Variants in DLGAP2 observed in about 807,000 individuals in gnomAD.
The protein encoded by DLGAP2 is DLG associated protein 2.
A neutral mutation model predicts 100.3 loss-of-function variants in DLGAP2; 26 were observed. The observed-to-expected ratio is 0.26, with a 90% confidence interval of 0.19 to 0.36. The LOEUF (loss-of-function observed/expected upper bound fraction) is 0.36, where lower values mean the gene tolerates loss of function less well. Ranked by LOEUF, DLGAP2 falls within the 10% of genes least tolerant of loss-of-function variation. DLGAP2 has a pLI of 1.00. For missense variants in DLGAP2, 1,858 were observed against 1,453.2 expected, an observed-to-expected ratio of 1.28 and a Z score of -4.53; for synonymous variants, 886 against 630.1, an observed-to-expected ratio of 1.41 and a Z score of -6.08.
chr8:1,322,302 G>A (rs1023769746), intron 3 of DLGAP2, among the ~76,000 whole-genome samples: 3 of 152,094 alleles, frequency 2.0e-5, no homozygotes, highest in South Asian at 2.1e-4. Context: ...AAAAAACTTC[G>A]AAATCTCAAA....
chr8:1,260,080 G>A (rs1215834688), intron 3 of DLGAP2, among the ~76,000 whole-genome samples: 1 of 152,144 alleles, frequency 6.6e-6, no homozygotes, highest in Non-Finnish European at 1.5e-5. Flanking sequence ...GTTCCCGGGT[G>A]GAGCCTGGGA....
chr8:1,205,158 C>G (rs959861839), intron 2 of DLGAP2, among the ~76,000 whole-genome samples: 1 of 152,302 alleles, frequency 6.6e-6, no homozygotes, highest in African/African-American at 2.4e-5. Context: ...AAAGGTCCAT[C>G]GCGTTTTTTC....
chr8:1,116,595 A>T (rs902094677), intron 2 of DLGAP2, among the ~76,000 whole-genome samples: 6 of 152,178 alleles, frequency 3.9e-5, no homozygotes, highest in African/African-American at 1.4e-4. Context: ...CAGGCATTTG[A>T]GACCAGCCTG....
At chr8:1,262,885 TCA>T (rs1189654451) in intron 3 of DLGAP2, among the ~76,000 whole-genome samples, 1 of 146,854 alleles carries the variant, frequency 6.8e-6, no homozygotes, top group Non-Finnish European at 1.5e-5. Flanking sequence ...GCCACAGATG[TCA>T]GTTCATGGAT....
intron 1 of DLGAP2, among the ~76,000 whole-genome samples, chr8:823,056 G>C (rs1490508071): frequency 2.0e-5 from 3 of 150,468 alleles, no homozygotes; most frequent in Non-Finnish European, 4.5e-5. Context: ...CTAAATTTCA[G>C]GGGGGGCCAT....
At chr8:1,378,690 C>T (rs1375051598) in intron 3 of DLGAP2, among the ~76,000 whole-genome samples, 2 of 152,258 alleles carry the variant, frequency 1.3e-5, no homozygotes, top group Non-Finnish European at 2.9e-5. Flanking sequence ...CTCCATCTTC[C>T]TCTGTGCTTT....
chr8:1,549,772 C>T, intron 5 of DLGAP2, 89 bp downstream of exon 5: 1 of 1,325,088 alleles, frequency 7.5e-7, no homozygotes, highest in Non-Finnish European at 1.0e-6. Context: ...ATAACAACTG[C>T]ATACACATTT....
chr8:1,303,359 C>T (rs71516165), intron 3 of DLGAP2, among the ~76,000 whole-genome samples: 80,505 of 148,396 alleles, frequency 0.54, 22,026 homozygotes, highest in African/African-American at 0.56. Flanking sequence ...ATCGCGCCAC[C>T]GCACTCCAGC....
intron 1 of DLGAP2, among the ~76,000 whole-genome samples, chr8:795,169 C>G (rs961329681): frequency 6.6e-6 from 1 of 152,226 alleles, no homozygotes; most frequent in Admixed American, 6.5e-5. Context: ...ACCGTGAACA[C>G]TGAACCCTTG....
In DLGAP2 at chr8:1,647,685, C is replaced by T. The variant is rs952446555; in HGVS notation, c.1810+14639C>T. 1.9e-4 allele frequency among the ~76,000 whole-genome samples: 29 copies of T among 152,176 alleles called. 1 individual carries two copies. The highest frequency in any genetic ancestry group is 1.7e-3 in the Admixed American group (26 of 15,276). On this transcript the variant is annotated intron_variant, in intron 8 of 14. Transcript: ENST00000637795. ...TCTTGCAATGGTCTGGAAACACCACCCTCCCCACGCTTGAGGCTGCAGGAG... is the reference window on the plus strand; with the variant it reads ...TCTTGCAATGGTCTGGAAACACCACTCTCCCCACGCTTGAGGCTGCAGGAG...
intron 2 of DLGAP2, among the ~76,000 whole-genome samples, chr8:1,212,755 C>T (rs1798132144): frequency 6.8e-6 from 1 of 147,934 alleles, no homozygotes; most frequent in Admixed American, 6.8e-5. Context: ...CTCTCTCTCT[C>T]TCTCTTCCCC....
At chr8:1,193,398 T>C (rs1797680734) in intron 2 of DLGAP2, among the ~76,000 whole-genome samples, 1 of 152,210 alleles carries the variant, frequency 6.6e-6, no homozygotes, top group Admixed American at 6.5e-5. Context: ...CATTGTGGTT[T>C]TGATTTGCAT....
At chr8:1,508,029 T>C (rs977661873) in intron 4 of DLGAP2, among the ~76,000 whole-genome samples, 2 of 151,852 alleles carry the variant, frequency 1.3e-5, no homozygotes, top group African/African-American at 2.4e-5. Context: ...GGGAGGGTCA[T>C]TGTCAGTTAA....
chr8:1,291,940 A>C (rs757077253), intron 3 of DLGAP2, among the ~76,000 whole-genome samples: 4 of 152,202 alleles, frequency 2.6e-5, no homozygotes, highest in African/African-American at 9.6e-5. Flanking sequence ...AAGACTCTTA[A>C]TCACACAATC....
intron 2 of DLGAP2, among the ~76,000 whole-genome samples, chr8:1,180,544 A>G (rs1414108282): frequency 6.8e-6 from 1 of 147,882 alleles, no homozygotes; most frequent in Non-Finnish European, 1.5e-5. Flanking sequence ...AATTTCACAC[A>G]AGAACCAGTG....
chr8:1,439,528 C>G (rs778156094), intron 3 of DLGAP2, among the ~76,000 whole-genome samples: 1 of 152,192 alleles, frequency 6.6e-6, no homozygotes, highest in African/African-American at 2.4e-5. Flanking sequence ...GGCTATGTTG[C>G]TGAGCTGAGA....
intron 2 of DLGAP2, among the ~76,000 whole-genome samples, chr8:1,060,424 T>TGTGGATAGATACCCTCCCAA (rs1563170226): frequency 2.0e-5 from 3 of 151,744 alleles, no homozygotes; most frequent in African/African-American, 4.8e-5. Context: ...GCTGTGTCCT[T>TGTGGATAGATACCCTCCCAA]GCTGTGTCCT....
chr8:894,907 C>T (rs1016812914), intron 1 of DLGAP2, among the ~76,000 whole-genome samples: 1 of 70,094 alleles, frequency 1.4e-5, no homozygotes, highest in Admixed American at 1.8e-4. Flanking sequence ...CCGGCAGGGG[C>T]GGGGTGGGGG....
At chr8:1,312,499 G>A (rs1370548815) in intron 3 of DLGAP2, among the ~76,000 whole-genome samples, 1 of 152,162 alleles carries the variant, frequency 6.6e-6, no homozygotes, top group East Asian at 1.9e-4. Context: ...AAACACACAT[G>A]GAGACAAGAA....
Sources: gnomAD v4.1 joint callset for allele counts (sites outside exome capture counted in the v4.1 genomes callset) on GRCh38, gnomAD v4.1.1 for gene constraint, MANE v1.5 for transcripts, NCBI Gene and HGNC (gene_info 2026-07-23, HGNC 2026-07-21) for gene names.